The following GABRG3 variants were observed in gnomAD, a reference collection of about 807,000 sequenced individuals.
GABRG3 encodes the protein gamma-aminobutyric acid type A receptor subunit gamma3, also known as gamma-aminobutyric acid receptor subunit gamma-3.
In GABRG3, 25 loss-of-function variants were observed where a neutral mutation model predicts 48.8. The observed-to-expected ratio is 0.51, with a 90% CI of 0.37 to 0.72. GABRG3 has a LOEUF of 0.72. Ranked by LOEUF, GABRG3 falls within the 30% of genes least tolerant of loss-of-function variation. The pLI, the probability that GABRG3 is intolerant of heterozygous loss-of-function variation, is 0.00. For synonymous variants in GABRG3, 227 were observed against 217.6 expected, an observed-to-expected ratio of 1.04 and a Z score of -0.38; for missense variants, 394 against 577.9, an observed-to-expected ratio of 0.68 and a Z score of 3.26.
At chr15:27,239,869 T>C (rs1890083539) in intron 3 of GABRG3, among the ~76,000 whole-genome samples, 1 of 152,246 alleles carries the variant, frequency 6.6e-6, no homozygotes, top group Non-Finnish European at 1.5e-5. Flanking sequence ...ACAGCAGTTA[T>C]CTAAGATCTC....
chr15:26,977,287 T>C (rs1275774858), intron 2 of GABRG3, 137 bp downstream of exon 2: 7 of 882,602 alleles, frequency 7.9e-6, no homozygotes, highest in Non-Finnish European at 1.2e-5. Flanking sequence ...ACACAATAGA[T>C]AACTTAGTGT....
intron 5 of GABRG3, among the ~76,000 whole-genome samples, chr15:27,329,405 T>C (rs1245087050): frequency 1.3e-5 from 2 of 152,068 alleles, no homozygotes; most frequent in African/African-American, 4.8e-5. Context: ...GCTGGGACTA[T>C]GGGCACGTGC....
chr15:27,235,592 C>T (rs1889933881), intron 3 of GABRG3, among the ~76,000 whole-genome samples: 1 of 152,166 alleles, frequency 6.6e-6, no homozygotes, highest in Non-Finnish European at 1.5e-5. Flanking sequence ...TTTTCTCCTC[C>T]ATCCTTCATG....
chr15:27,532,775 G>A lies in GABRG3; in HGVS notation c.1298G>A (p.Arg433His), dbSNP rs763239710. ...AAATCAGGATCCTGGAGGAAAGGGC[G>A]TATTCACATAGACATCTTGGAGCTG... is the stretch of plus-strand genomic sequence containing the variant. ...ECKSGSWRKG[R>H]IHIDILELDS... is the part of the protein sequence containing the mutation. Residue 433 changes from arginine (R) to histidine (H), a missense_variant, in exon 10 of 10, where the codon CGT becomes CAT. Coordinates refer to ENST00000615808, the MANE Select transcript of GABRG3 (RefSeq NM_033223.5). The A allele has an allele frequency of 2.4e-5, 39 of 1,613,856 alleles. No homozygotes were observed. The highest frequency in any genetic ancestry group is 1.1e-4 in the South Asian group (10 of 91,080).
At chr15:27,249,388 C>T (rs1244134607) in intron 3 of GABRG3, among the ~76,000 whole-genome samples, 1 of 152,206 alleles carries the variant, frequency 6.6e-6, no homozygotes, top group Non-Finnish European at 1.5e-5. Flanking sequence ...CGGGGGCCCC[C>T]ACCTCACCTG....
chr15:27,320,384 G>T lies in GABRG3; in HGVS notation c.271-6425G>T, dbSNP rs7497139. On this transcript the variant is annotated intron_variant, in intron 3 of 9. Transcript: ENST00000615808. ...GAAGTGCACCCCGATGTTATTGTCT[G>T]TCAAGGGTCTAGGGCTCCAGAGGTG... Among the ~76,000 whole-genome samples the T allele has an allele frequency of 2.6e-5, 4 of 151,834 alleles. No homozygotes were observed. In the East Asian group the frequency reaches 7.7e-4, roughly 29 times the overall value.
chr15:27,495,861 T>C (rs1181241204), intron 6 of GABRG3, among the ~76,000 whole-genome samples: 7 of 152,240 alleles, frequency 4.6e-5, no homozygotes, highest in African/African-American at 1.7e-4. Context: ...GTTCTATGTT[T>C]AGCAAACTGT....
At chr15:26,977,847 G>A (rs767175114) in intron 2 of GABRG3, among the ~76,000 whole-genome samples, 31 of 152,196 alleles carry the variant, frequency 2.0e-4, no homozygotes, top group Admixed American at 3.3e-4. Context: ...CCAGGAGTAC[G>A]ATTGCTGGGT....
chr15:27,090,266 A>G (rs1274467542), intron 3 of GABRG3, among the ~76,000 whole-genome samples: 1 of 152,258 alleles, frequency 6.6e-6, no homozygotes, highest in Non-Finnish European at 1.5e-5. Context: ...AGCTCTGAGC[A>G]TGTTTAAGGT....
intron 3 of GABRG3, among the ~76,000 whole-genome samples, chr15:27,301,039 T>C (rs887034834): frequency 6.6e-6 from 1 of 152,132 alleles, no homozygotes; most frequent in African/African-American, 2.4e-5. Context: ...ATATGACATA[T>C]GATCAAGTTA....
intron 5 of GABRG3, among the ~76,000 whole-genome samples, chr15:27,460,493 G>A (rs1889416534): frequency 6.6e-6 from 1 of 152,252 alleles, no homozygotes; most frequent in Non-Finnish European, 1.5e-5. Flanking sequence ...TCAGTGGATT[G>A]TGAGCAGGAG....
At chr15:27,498,492 T>A (rs1003362038) in intron 6 of GABRG3, among the ~76,000 whole-genome samples, 11 of 152,182 alleles carry the variant, frequency 7.2e-5, no homozygotes, top group East Asian at 1.9e-4. Flanking sequence ...ATCTTTTTTT[T>A]AAATTAATTA....
At chr15:26,997,936 G>T (rs1895370561) in intron 2 of GABRG3, among the ~76,000 whole-genome samples, 1 of 152,162 alleles carries the variant, frequency 6.6e-6, no homozygotes, top group African/African-American at 2.4e-5. Flanking sequence ...TCTGGGTCAG[G>T]GTAACTTATT....
chr15:27,052,389 C>T (rs1595495079), intron 3 of GABRG3, among the ~76,000 whole-genome samples: 2 of 152,140 alleles, frequency 1.3e-5, no homozygotes. Context: ...AGTGGGGCCT[C>T]GGCGTGTGGC....
At chr15:27,471,145 G>C (rs776441860) in intron 5 of GABRG3, among the ~76,000 whole-genome samples, 1 of 152,134 alleles carries the variant, frequency 6.6e-6, no homozygotes, top group Admixed American at 6.6e-5. Context: ...GATCGTTTAG[G>C]GGGTGGGGGC....
At chr15:27,150,549 G>A (rs758195081) in intron 3 of GABRG3, among the ~76,000 whole-genome samples, 24 of 152,298 alleles carry the variant, frequency 1.6e-4, no homozygotes, top group Admixed American at 8.5e-4. Flanking sequence ...ATTAAAACAC[G>A]TTTGTTCTTC....
At chr15:27,431,523 A>T (rs1254770392) in intron 5 of GABRG3, among the ~76,000 whole-genome samples, 1 of 151,886 alleles carries the variant, frequency 6.6e-6, no homozygotes, top group African/African-American at 2.4e-5. Flanking sequence ...TTTCATTCTC[A>T]TGCTTAATTG....
At chr15:27,500,492 A>G (rs1018060028) in intron 6 of GABRG3, among the ~76,000 whole-genome samples, 1 of 152,224 alleles carries the variant, frequency 6.6e-6, no homozygotes, top group Admixed American at 6.5e-5. Flanking sequence ...CGAAAGGTAC[A>G]GAGTGGTGCA....
At chr15:27,034,492 T>C (rs1896141248) in intron 3 of GABRG3, among the ~76,000 whole-genome samples, 1 of 152,048 alleles carries the variant, frequency 6.6e-6, no homozygotes, top group South Asian at 2.1e-4. Context: ...CTAATAACAA[T>C]AGGAACAATA....
Sources: gnomAD v4.1 joint callset for allele counts (sites outside exome capture counted in the v4.1 genomes callset) on GRCh38, gnomAD v4.1.1 for gene constraint, MANE v1.5 for transcripts, NCBI Gene and HGNC (gene_info 2026-07-23, HGNC 2026-07-21) for gene names.